The following CNTN5 variants were observed in gnomAD, a reference collection of about 807,000 sequenced individuals.
CNTN5 encodes the protein contactin-5.
In CNTN5, 77 loss-of-function variants were observed where a neutral mutation model predicts 129.1. The observed-to-expected ratio is 0.60, with a 90% confidence interval of 0.50 to 0.72. CNTN5 has a LOEUF of 0.72. Ranked by LOEUF, CNTN5 falls within the 30% of genes least tolerant of loss-of-function variation. The probability of loss-of-function intolerance (pLI) is 0.00; values close to 1 mark genes in which losing one functional copy is unlikely to be tolerated. For missense variants in CNTN5, 1,478 were observed against 1,328.8 expected, an observed-to-expected ratio of 1.11 and a Z score of -1.75; for synonymous variants, 509 against 465.6, an observed-to-expected ratio of 1.09 and a Z score of -1.20.
chr11:99,211,843 A>G (rs1278420834), intron 1 of CNTN5, among the ~76,000 whole-genome samples: 17 of 152,072 alleles, frequency 1.1e-4, no homozygotes, highest in Admixed American at 1.1e-3. Context: ...CTTTTTAAAA[A>G]AGTTATCTTC....
At chr11:99,471,289 A>G (rs948615235) in intron 2 of CNTN5, among the ~76,000 whole-genome samples, 5 of 152,266 alleles carry the variant, frequency 3.3e-5, no homozygotes, top group African/African-American at 9.6e-5. Context: ...AACCCAATCA[A>G]ACAATATAAG....
At chr11:100,218,295 T>G (rs1432365452) in intron 15 of CNTN5, among the ~76,000 whole-genome samples, 1 of 152,190 alleles carries the variant, frequency 6.6e-6, no homozygotes, top group Admixed American at 6.5e-5. Flanking sequence ...CATATCAGCA[T>G]ACGCTAAAAA....
chr11:99,052,866 G>A (rs762108662), intron 1 of CNTN5, among the ~76,000 whole-genome samples: 1 of 151,776 alleles, frequency 6.6e-6, no homozygotes, highest in Admixed American at 6.6e-5. Flanking sequence ...TGTCTGTAAT[G>A]CTATAATAAA....
At chr11:100,021,167 A>T (rs1463635321) in intron 9 of CNTN5, among the ~76,000 whole-genome samples, 1 of 152,108 alleles carries the variant, frequency 6.6e-6, no homozygotes, top group African/African-American at 2.4e-5. Flanking sequence ...TAATTACATT[A>T]TGGTCAAATA....
At chr11:99,895,786 C>T (rs1423173007) in intron 6 of CNTN5, among the ~76,000 whole-genome samples, 1 of 152,182 alleles carries the variant, frequency 6.6e-6, no homozygotes, top group African/African-American at 2.4e-5. Flanking sequence ...ACTGCTCAAG[C>T]CCACATGGAA....
At chr11:100,086,325 CT>C (rs1331866157) in intron 13 of CNTN5, among the ~76,000 whole-genome samples, 1 of 150,014 alleles carries the variant, frequency 6.7e-6, no homozygotes, top group Admixed American at 6.6e-5. Flanking sequence ...CTTAAATATC[CT>C]TGTTTCAACA....
intron 3 of CNTN5, among the ~76,000 whole-genome samples, chr11:99,741,542 A>G (rs772210500): frequency 3.3e-5 from 5 of 152,130 alleles, no homozygotes; most frequent in Non-Finnish European, 7.4e-5. Flanking sequence ...CTGTCACCTT[A>G]CTGACATCAG....
rs1411743847 is a variant in CNTN5, at chr11:99,953,535, A to AGT, written c.674-3270_674-3269dup. On this transcript the variant is annotated intron_variant, in intron 7 of 24. Transcript: ENST00000524871. ...GAAACAAATAAGAACTAAAATCCAA[A>AGT]GTATACTCTCTGGTGTTAACCCTGA... 2.0e-5 allele frequency among the ~76,000 whole-genome samples: 3 copies of AGT among 152,196 alleles called. No homozygotes were observed. The East Asian group carries it at 5.8e-4, about 29-fold the overall frequency.
intron 1 of CNTN5, among the ~76,000 whole-genome samples, chr11:99,138,617 G>A (rs1011954902): frequency 6.6e-6 from 1 of 152,138 alleles, no homozygotes; most frequent in African/African-American, 2.4e-5. Context: ...TGCATCAGAA[G>A]TAAAACTTTT....
chr11:99,117,413 C>A (rs1245944568), intron 1 of CNTN5, among the ~76,000 whole-genome samples: 5 of 152,114 alleles, frequency 3.3e-5, no homozygotes, highest in Admixed American at 6.6e-5. Flanking sequence ...CTAACACGAC[C>A]AGTTTGCCTT....
chr11:99,213,378 ATACATATATACACGTG>A (rs1859929467), intron 1 of CNTN5, among the ~76,000 whole-genome samples: 1 of 139,402 alleles, frequency 7.2e-6, no homozygotes, highest in Non-Finnish European at 1.5e-5. Context: ...ATATATGTAT[ATACATATATACACGTG>A]TATATATACA....
intron 3 of CNTN5, among the ~76,000 whole-genome samples, chr11:99,691,265 A>G (rs1954029799): frequency 6.7e-5 from 10 of 148,720 alleles, no homozygotes; most frequent in Admixed American, 6.7e-4. Context: ...CTCAGCTCTG[A>G]TCTTTATTTC....
intron 24 of CNTN5, among the ~76,000 whole-genome samples, chr11:100,353,208 G>C (rs949321684): frequency 5.9e-5 from 9 of 151,494 alleles, no homozygotes; most frequent in Non-Finnish European, 1.2e-4. Flanking sequence ...TTTGGGCAGT[G>C]CAACCCACTT....
intron 9 of CNTN5, among the ~76,000 whole-genome samples, chr11:100,004,298 C>CT (rs570893144): frequency 6.6e-5 from 10 of 151,640 alleles, no homozygotes; most frequent in Admixed American, 1.3e-4. Flanking sequence ...GCATGTCAAA[C>CT]TTTTTTTTTG....
Position 99,760,013 on chromosome 11 carries a change from T to C in CNTN5, c.56-59531T>C, listed in dbSNP as rs566245914. Among the ~76,000 whole-genome samples the C allele has an allele frequency of 1.2e-4, 19 of 152,150 alleles. No individual in the cohort carries two copies. The South Asian group carries it at 3.9e-3, about 32-fold the overall frequency. ...CACAGAGTTTGAGATGACAGTGAAA[T>C]ATCCAAACAGCACATCCATTAATCT... is the stretch of plus-strand genomic sequence containing the variant. On this transcript the variant is annotated intron_variant, in intron 3 of 24. Transcript: ENST00000524871.
intron 24 of CNTN5, among the ~76,000 whole-genome samples, chr11:100,352,841 A>G (rs1260502820): frequency 6.6e-6 from 1 of 151,716 alleles, no homozygotes; most frequent in African/African-American, 2.4e-5. Flanking sequence ...TTAAAAGACT[A>G]TTTCCTGAAA....
rs138168110 is a variant in CNTN5, at chr11:99,419,001, C to T, written c.-71+93517C>T. 7.2e-5 allele frequency among the ~76,000 whole-genome samples: 11 copies of T among 152,226 alleles called. No individual in the cohort carries two copies. In the East Asian group the frequency reaches 1.7e-3, roughly 24 times the overall value. On this transcript the variant is annotated intron_variant, in intron 2 of 24. Coordinates refer to ENST00000524871, the MANE Select transcript of CNTN5 (RefSeq NM_014361.4). The stretch of plus-strand genomic sequence containing the variant: ...GCTATGCCTTCTAATACTCAGTGTC[C>T]TCAACTATAAAATGGGAGGATTATG...
At chr11:99,630,527 AC>A (rs1465348632) in intron 3 of CNTN5, among the ~76,000 whole-genome samples, 1 of 151,240 alleles carries the variant, frequency 6.6e-6, no homozygotes, top group African/African-American at 2.4e-5. Context: ...ATCATGCCTC[AC>A]CCCCCGTTTC....
intron 13 of CNTN5, among the ~76,000 whole-genome samples, chr11:100,145,495 C>G (rs969804805): frequency 6.6e-6 from 1 of 152,076 alleles, no homozygotes; most frequent in Non-Finnish European, 1.5e-5. Context: ...TCTGAACACA[C>G]GGTTTGTATT....
Sources: allele counts gnomAD v4.1 joint callset (sites outside exome capture counted in the v4.1 genomes callset), GRCh38; gene constraint gnomAD v4.1.1; transcripts MANE v1.5; gene names NCBI Gene and HGNC (gene_info 2026-07-23, HGNC 2026-07-21).